ARHGEF15: variants seen among roughly 807,000 people sequenced by gnomAD.
ARHGEF15 encodes Rho guanine nucleotide exchange factor (GEF) 15.
Under a neutral mutation model 79.7 loss-of-function variants are expected in ARHGEF15, and 58 were observed. The ratio of observed to expected loss-of-function variants is 0.73; its 90% CI spans 0.59 to 0.91. The LOEUF (loss-of-function observed/expected upper bound fraction) is 0.91. Among genes scored for constraint, ARHGEF15 ranks in the 40% least tolerant of loss-of-function variants. ARHGEF15 has a pLI of 0.00. For synonymous variants in ARHGEF15, 442 were observed against 456.0 expected, an observed-to-expected ratio of 0.97 and a Z score of 0.39; for missense variants, 1,012 against 1,108.1, an observed-to-expected ratio of 0.91 and a Z score of 1.23.
chr17:8,312,942 C>T lies in ARHGEF15; in HGVS notation c.622C>T (p.Pro208Ser). Residue 208 changes from proline to serine, a missense_variant, in exon 3 of 16, where the codon CCC becomes TCC. Physicochemically the swap from Pro to Ser is moderately conservative, Grantham distance 74. Transcript: ENST00000361926. ...CACAGATGCTGGCCTGGCCTGCCCTCCCTGCTGCCCCTGTGTCTGCCACAC... is the reference window on the plus strand; with the variant it reads ...CACAGATGCTGGCCTGGCCTGCCCTTCCTGCTGCCCCTGTGTCTGCCACAC... ...GAPDAGLACPPCCPCVCHTTR... is the reference protein window; with the variant it reads ...GAPDAGLACPSCCPCVCHTTR... 1 of 1,580,944 alleles carries T rather than the reference C, an allele frequency of 6.3e-7. No individual in the cohort carries two copies. Among genetic ancestry groups the T allele is most frequent in the Middle Eastern group, 1.7e-4 (1 of 5,890 alleles).
rs1177341978 is a variant in ARHGEF15, at chr17:8,315,674, T to C, written c.1422-81T>C. ...AGGTCCTTCCTTCTACGGACCCAGT[T>C]AGTTCCCAAACCTTCTCTCAAGAAC... is the stretch of plus-strand genomic sequence containing the variant. On this transcript the variant is annotated intron_variant, in intron 7 of 15. Transcript: ENST00000361926. This position sits in a 1 kb window ranked among gnomAD's most constrained non-coding sequence, Gnocchi z 4.3. 1 of 1,589,602 alleles carries C rather than the reference T, an allele frequency of 6.3e-7. No individual in the cohort carries two copies. The highest frequency in any genetic ancestry group is 1.3e-5 in the African/African-American group (1 of 74,508).
Position 8,312,294 on chromosome 17 carries a change from C to T in ARHGEF15, c.255C>T (p.Leu85=), listed in dbSNP as rs141354994. 5.9e-5 allele frequency: 91 copies of T among 1,551,050 alleles called. No homozygotes were observed. In the African/African-American group the frequency reaches 9.4e-4, roughly 16 times the overall value. The change falls in exon 2 of 16, where the codon CTC becomes CTT. Residue 85 remains leucine, a synonymous_variant. Transcript: ENST00000361926. ...LLPPSASRAS[L]DSQTSPDSPS... ...CCCCCTCAGCTTCTAGAGCCAGCCT[C>T]GACTCCCAGACTTCCCCAGACTCAC... is the stretch of plus-strand genomic sequence containing the variant.
intron 4 of ARHGEF15, among the ~76,000 whole-genome samples, chr17:8,314,639 G>T (rs548699780): frequency 2.5e-4 from 38 of 150,482 alleles, no homozygotes; most frequent in Admixed American, 1.2e-3. Context: ...AGTAGGTTAC[G>T]CCTGTAATCC....
intron 9 of ARHGEF15, among the ~76,000 whole-genome samples, chr17:8,317,257 G>A (rs963018484): frequency 3.9e-5 from 6 of 151,942 alleles, no homozygotes; most frequent in Admixed American, 6.6e-5. Flanking sequence ...CACCATGCCC[G>A]GCTATTTATT....
intron 15 of ARHGEF15, among the ~76,000 whole-genome samples, chr17:8,320,130 C>T (rs1334487519): frequency 6.6e-6 from 1 of 152,106 alleles, no homozygotes; most frequent in African/African-American, 2.4e-5. Flanking sequence ...TACAAAGTGC[C>T]ACTCGCTGTT....
chr17:8,317,374 A>G (rs1293287064), intron 9 of ARHGEF15, among the ~76,000 whole-genome samples: 1 of 152,168 alleles, frequency 6.6e-6, no homozygotes, highest in Admixed American at 6.5e-5. Flanking sequence ...CTCTAGCATT[A>G]TAGGTGTGAG....
Position 8,312,396 on chromosome 17 carries a change from C to T in ARHGEF15, c.357C>T (p.Pro119=), listed in dbSNP as rs185403108. 15 of 1,612,268 alleles carry T rather than the reference C, an allele frequency of 9.3e-6. No homozygotes were observed. The highest frequency in any genetic ancestry group is 1.7e-4 in the Middle Eastern group (1 of 6,050). ...SPEPAPRSPV[P]PPKPSGSPCT... is the part of the protein sequence containing the mutation. ...AACCTGCTCCCCGGTCTCCAGTCCC[C>T]CCACCCAAGCCGTCTGGGTCACCCT... The change falls in exon 2 of 16, where the codon CCC becomes CCT. Residue 119 remains proline (P), a synonymous_variant. Coordinates refer to ENST00000361926, the MANE Select transcript of ARHGEF15 (RefSeq NM_173728.4).
rs1205559874 is a variant in ARHGEF15 at position 8,318,973 on chromosome 17, T to C, written c.2034-34T>C. On this transcript the variant is annotated intron_variant, in intron 12 of 15. Coordinates refer to ENST00000361926, the MANE Select transcript of ARHGEF15 (RefSeq NM_173728.4). This position sits in a 1 kb window ranked among gnomAD's most constrained non-coding sequence, Gnocchi z 5.0. ...GGCAGGAGGGGTCCAGCGGGACCCCTGCTGTCCTTCTGAACGACCTCATCC... is the reference window on the plus strand; with the variant it reads ...GGCAGGAGGGGTCCAGCGGGACCCCCGCTGTCCTTCTGAACGACCTCATCC... 6.2e-7 allele frequency: 1 copy of C among 1,610,652 alleles called. No homozygotes were observed. Among genetic ancestry groups the C allele is most frequent in the Non-Finnish European group, 8.5e-7 (1 of 1,178,672 alleles).
intron 4 of ARHGEF15, among the ~76,000 whole-genome samples, chr17:8,314,239 A>T (rs1904858508): frequency 6.6e-6 from 1 of 152,156 alleles, no homozygotes; most frequent in Non-Finnish European, 1.5e-5. Flanking sequence ...GGCAATCATG[A>T]CCATCTCTTC....
In ARHGEF15 at chr17:8,315,150, A is replaced by G. The variant is rs1904924776; in HGVS notation, c.1133A>G (p.Asn378Ser). 1 of 1,613,862 alleles carries G rather than the reference A, an allele frequency of 6.2e-7. No individual in the cohort carries two copies. Among genetic ancestry groups the G allele is most frequent in the African/African-American group, 1.3e-5 (1 of 74,898 alleles). ...VGEDGSPSPA[N>S]AGDAPTFPRP... Reference sequence around the variant, plus strand: ...GAGGATGGGAGTCCTTCTCCAGCAAATGCTGGAGATGCACCCACCTTCCCA... The same window carrying G: ...GAGGATGGGAGTCCTTCTCCAGCAAGTGCTGGAGATGCACCCACCTTCCCA... Residue 378 changes from asparagine (N) to serine (S), a missense_variant, in exon 6 of 16, where the codon AAT (asparagine) becomes AGT (serine). By Grantham distance (46) the Asn-to-Ser change is conservative. Transcript: ENST00000361926. This position sits in a 1 kb window ranked among gnomAD's most constrained non-coding sequence, Gnocchi z 4.3.
Position 8,319,297 on chromosome 17 carries a change from C to A in ARHGEF15, c.2187-15C>A, listed in dbSNP as rs374178096. 2.6e-5 allele frequency: 42 copies of A among 1,612,848 alleles called. No individual in the cohort carries two copies. The highest frequency in any genetic ancestry group is 3.5e-5 in the Non-Finnish European group (41 of 1,179,498). ...CTTTTGGGCCAACTGTGACACTTCC[C>A]AATATCCCCACCAGATCAGACATGC... On this transcript the variant is annotated splice_polypyrimidine_tract_variant and intron_variant, in intron 13 of 15. Transcript: ENST00000361926.
At position 8,313,256 on chromosome 17, in the gene ARHGEF15, T is replaced by C. The variant is rs747092045; in HGVS notation, c.934+2T>C. On this transcript the variant is annotated splice_donor_variant, in intron 3 of 15. Coordinates refer to ENST00000361926, the MANE Select transcript of ARHGEF15 (RefSeq NM_173728.4). LOFTEE classifies it high-confidence loss of function. ...TTTCTGAAGATGGAATCCAAACAGG[T>C]GCAGGGCCTGGGGGAGTGGACCTCT... 1.2e-6 allele frequency: 2 copies of C among 1,603,224 alleles called. No homozygotes were observed. Among genetic ancestry groups the C allele is most frequent in the Non-Finnish European group, 1.7e-6 (2 of 1,179,356 alleles).
intron 15 of ARHGEF15, among the ~76,000 whole-genome samples, chr17:8,320,075 T>C (rs1905287449): frequency 6.6e-6 from 1 of 152,060 alleles, no homozygotes; most frequent in Non-Finnish European, 1.5e-5. Context: ...CCACTGCGCC[T>C]GGCCGTGTTT....
rs777250745 is a variant in ARHGEF15 at position 8,312,379 on chromosome 17, C to A, written c.340C>A (p.Pro114Thr). 1.2e-6 allele frequency: 2 copies of A among 1,608,658 alleles called. No homozygotes were observed. Among genetic ancestry groups the A allele is most frequent in the East Asian group, 2.2e-5 (1 of 44,848 alleles). ...SRRSASPEPA[P>T]RSPVPPPKPS... ...GCGCTCCGCCTCCCCAGAACCTGCT[C>A]CCCGGTCTCCAGTCCCCCCACCCAA... Residue 114 changes from proline to threonine, a missense_variant, in exon 2 of 16, where the codon CCC becomes ACC. Pro to Thr is a conservative substitution (Grantham distance 38). Coordinates refer to ENST00000361926, the MANE Select transcript of ARHGEF15 (RefSeq NM_173728.4).
chr17:8,319,966 T>TG lies in ARHGEF15; in HGVS notation c.2374+369dup, dbSNP rs200512364. On this transcript the variant is annotated intron_variant, in intron 15 of 15. Transcript: ENST00000361926. The stretch of plus-strand genomic sequence containing the variant: ...TATTCTTTTTTTTTTTTAATGGAGG[T>TG]GGGGGGTCTCACTATGTTGCTCAGG... 8.2e-4 allele frequency among the ~76,000 whole-genome samples: 118 copies of TG among 143,036 alleles called. 1 individual carries two copies. Among genetic ancestry groups the TG allele is most frequent in the South Asian group, 1.8e-3 (8 of 4,502 alleles). The allele number at this position is 143,036 out of a possible 152,430, so 93.8% of individuals were successfully genotyped here. A position where few individuals can be genotyped will look rare whatever the true frequency, so the allele number is the denominator to read the frequency against.
intron 4 of ARHGEF15, among the ~76,000 whole-genome samples, chr17:8,314,622 C>T (rs1013558224): frequency 5.9e-5 from 9 of 151,466 alleles, no homozygotes; most frequent in South Asian, 2.1e-4. Context: ...GAATTTGGGC[C>T]GGGCAAAGTA....
chr17:8,320,833 TTC>T lies in ARHGEF15; in HGVS notation c.2375-8_2375-7del. The T allele has an allele frequency of 6.2e-7, 1 of 1,611,934 alleles. No individual in the cohort carries two copies. The highest frequency in any genetic ancestry group is 1.1e-5 in the South Asian group (1 of 90,984). On this transcript the variant is annotated splice_region_variant and splice_polypyrimidine_tract_variant and intron_variant, in intron 15 of 15. Transcript: ENST00000361926. ...CACCTCATTGGAGCCTCTGTCTCTC[TTC>T]CCCCAGGTTGGCTGAAGGGGCTTCC...
chr17:8,315,446 C>G lies in ARHGEF15; in HGVS notation c.1293C>G (p.Ser431=). 6.2e-7 allele frequency: 1 copy of G among 1,613,956 alleles called. No homozygotes were observed. Among genetic ancestry groups the G allele is most frequent in the South Asian group, 1.1e-5 (1 of 91,076 alleles). Residue 431 remains serine (S), a synonymous_variant, in exon 7 of 16, where the codon TCC becomes TCG. Coordinates refer to ENST00000361926, the MANE Select transcript of ARHGEF15 (RefSeq NM_173728.4). The surrounding 1 kb of genome is among the most constrained non-coding windows in gnomAD (Gnocchi z 4.3). ...TCGAGGTGGTGACGTCCGAGGCTTCCTACCTGCGCTCCCTGCGGCTGCTGA... is the reference window on the plus strand; with the variant it reads ...TCGAGGTGGTGACGTCCGAGGCTTCGTACCTGCGCTCCCTGCGGCTGCTGA... ...SLFEVVTSEA[S]YLRSLRLLTD...
At position 8,313,064 on chromosome 17, in the gene ARHGEF15, C is replaced by G; in HGVS notation, c.744C>G (p.Arg248=). Reference sequence around the variant, plus strand: ...GGGCCTCCCCGCTGCGGACCTCTCGCTCCCGCCCCCACCCTCCAAGCATCG... The same window carrying G: ...GGGCCTCCCCGCTGCGGACCTCTCGGTCCCGCCCCCACCCTCCAAGCATCG... The part of the protein sequence containing the change: ...PRRASPLRTS[R]SRPHPPSIGH... The change falls in exon 3 of 16, where the codon CGC becomes CGG. Residue 248 remains arginine (R), a synonymous_variant. Coordinates refer to ENST00000361926, the MANE Select transcript of ARHGEF15 (RefSeq NM_173728.4). The G allele has an allele frequency of 6.2e-7, 1 of 1,613,366 alleles. No individual in the cohort carries two copies. The highest frequency in any genetic ancestry group is 8.5e-7 in the Non-Finnish European group (1 of 1,179,650).
Sources: gnomAD v4.1 joint callset for allele counts (sites outside exome capture counted in the v4.1 genomes callset) on GRCh38, gnomAD v4.1.1 for gene constraint, Gnocchi (gnomAD v3.1) non-coding constraint, MANE v1.5 for transcripts, NCBI Gene and HGNC (gene_info 2026-07-23, HGNC 2026-07-21) for gene names.